Variants in ADSS1 observed in about 807,000 individuals in gnomAD.
ADSS1 encodes adenylosuccinate synthase 1.
ADSS1 carries 57 observed loss-of-function variants against 59.1 expected under a neutral mutation model. The observed-to-expected ratio is 0.97, with a 90% CI of 0.78 to 1.20. The LOEUF is 1.20. ADSS1 is among the 50% of genes most tolerant of loss of function. The probability of loss-of-function intolerance (pLI) is 0.00; values close to 1 mark genes in which losing one functional copy is unlikely to be tolerated. For missense variants in ADSS1, 603 were observed against 610.3 expected, an observed-to-expected ratio of 0.99 and a Z score of 0.13; for synonymous variants, 247 against 249.4, an observed-to-expected ratio of 0.99 and a Z score of 0.09.
At chr14:104,730,105 G>C in intron 1 of ADSS1, 3 of 1,550,350 alleles carry the variant, frequency 1.9e-6, no homozygotes, top group Non-Finnish European at 2.6e-6. Flanking sequence ...CTAGGGTGAC[G>C]CTGGGAGAGG....
intron 2 of ADSS1, among the ~76,000 whole-genome samples, chr14:104,736,199 G>C (rs557991079): frequency 6.6e-6 from 1 of 152,350 alleles, no homozygotes; most frequent in East Asian, 1.9e-4. Context: ...ACAGTGTGGG[G>C]GCGGTCCCTA....
chr14:104,732,576 C>T (rs774910884), intron 1 of ADSS1, among the ~76,000 whole-genome samples: 25 of 152,224 alleles, frequency 1.6e-4, no homozygotes, highest in Admixed American at 3.3e-4. Context: ...CGCGCCTGTT[C>T]CTAGGAGCCT....
chr14:104,724,377 T>A lies in ADSS1; in HGVS notation c.107T>A (p.Val36Glu). The A allele has an allele frequency of 8.0e-7, 1 of 1,254,360 alleles. No individual in the cohort carries two copies. Among genetic ancestry groups the A allele is most frequent in the Non-Finnish European group, 1.0e-6 (1 of 994,218 alleles). 77.7% of individuals were successfully genotyped at this position (1,254,360 alleles called of 1,614,324 possible). Residue 36 changes from valine to glutamate, a missense_variant, in exon 1 of 13, where the codon GTG (valine) becomes GAG (glutamate). Coordinates refer to ENST00000330877, the MANE Select transcript of ADSS1 (RefSeq NM_152328.5). The stretch of plus-strand genomic sequence containing the variant: ...GCGACCGGCTCCCGCGTGACGGTGG[T>A]GCTGGGCGCGCAGTGGGGGGACGAG... ...AAATGSRVTV[V>E]LGAQWGDEGK...
intron 10 of ADSS1, 121 bp from the exon 11 acceptor site, chr14:104,744,691 C>T: frequency 2.3e-6 from 2 of 868,158 alleles, no homozygotes; most frequent in Non-Finnish European, 3.7e-6. Context: ...TACTGGTCCA[C>T]AGCCCAGGGA....
At chr14:104,743,653 G>T (rs1305195376) in intron 10 of ADSS1, 2 of 171,718 alleles carry the variant, frequency 1.2e-5, no homozygotes, top group African/African-American at 4.7e-5. Context: ...TTTGTGTGAG[G>T]GGTGGGCTCA....
chr14:104,729,429 G>C (rs1434384100), intron 1 of ADSS1, among the ~76,000 whole-genome samples: 3 of 152,238 alleles, frequency 2.0e-5, no homozygotes, highest in Middle Eastern at 6.8e-3. Flanking sequence ...TGAGGAGCAA[G>C]GACAAAGCCT....
chr14:104,734,967 C>G, intron 1 of ADSS1, 53 bp from the exon 2 acceptor site: 1 of 1,523,464 alleles, frequency 6.6e-7, no homozygotes, highest in Admixed American at 1.7e-5. Context: ...AGTCCATGTC[C>G]GGGGGGTCCT....
chr14:104,732,551 T>C (rs1221029809), intron 1 of ADSS1, among the ~76,000 whole-genome samples: 17 of 152,186 alleles, frequency 1.1e-4, no homozygotes, highest in Admixed American at 1.1e-3. Flanking sequence ...GGACACCCAC[T>C]GGCCTACGAC....
Position 104,740,834 on chromosome 14 carries a change from T to C in ADSS1, c.585-5T>C, listed in dbSNP as rs200895321. 6.5e-4 allele frequency: 1,057 copies of C among 1,613,884 alleles called. 5 individuals are homozygous for C. Among genetic ancestry groups the C allele is most frequent in the Middle Eastern group, 9.9e-4 (6 of 6,062 alleles). ...AGGGGGTGATGATGACTGTCCCTTG[T>C]GCAGATTCAAGAACCTGGCCCACCA... On this transcript the variant is annotated splice_region_variant and splice_polypyrimidine_tract_variant and intron_variant, in intron 6 of 12. Transcript: ENST00000330877. The surrounding 1 kb of genome is among the most constrained non-coding windows in gnomAD (Gnocchi z 4.8).
chr14:104,736,839 C>T (rs1891141057), intron 2 of ADSS1, among the ~76,000 whole-genome samples: 1 of 146,256 alleles, frequency 6.8e-6, no homozygotes, highest in South Asian at 2.1e-4. Flanking sequence ...CCTCTGTCTC[C>T]CAAGTAGCCA....
At position 104,740,560 on chromosome 14, in the gene ADSS1, G is replaced by T; in HGVS notation, c.477-41G>T. On this transcript the variant is annotated intron_variant, in intron 5 of 12. Coordinates refer to ENST00000330877, the MANE Select transcript of ADSS1 (RefSeq NM_152328.5). The surrounding 1 kb of genome is among the most constrained non-coding windows in gnomAD (Gnocchi z 4.8). ...TCAGTGGGATGCCTGAGCTCCTCAG[G>T]GCTCCTGGGTTCTCATGGGTACCCA... The T allele has an allele frequency of 6.3e-7, 1 of 1,592,204 alleles. No individual in the cohort carries two copies. The highest frequency in any genetic ancestry group is 2.2e-5 in the East Asian group (1 of 44,758).
chr14:104,741,563 G>A (rs887044626), intron 8 of ADSS1, among the ~76,000 whole-genome samples: 1 of 152,126 alleles, frequency 6.6e-6, no homozygotes, highest in South Asian at 2.1e-4. Context: ...TCACCCCCAC[G>A]GGCGCACCAG....
At position 104,741,918 on chromosome 14, in the gene ADSS1, G is replaced by A. The variant is rs769266263; in HGVS notation, c.864G>A (p.Pro288=). Residue 288 remains proline, a synonymous_variant, in exon 9 of 13, where the codon CCG becomes CCA. Coordinates refer to ENST00000330877, the MANE Select transcript of ADSS1 (RefSeq NM_152328.5). ...TGTGCACGGGCCTGGGCATCCCCCCGCAGAACATAGGTGACGTGTATGGCG... is the reference window on the plus strand; with the variant it reads ...TGTGCACGGGCCTGGGCATCCCCCCACAGAACATAGGTGACGTGTATGGCG... ...GGVCTGLGIP[P]QNIGDVYGVV... The A allele has an allele frequency of 5.6e-6, 9 of 1,613,494 alleles. No individual in the cohort carries two copies. The highest frequency in any genetic ancestry group is 5.9e-6 in the Non-Finnish European group (7 of 1,180,008).
At chr14:104,745,019 A>G (rs1349159896) in intron 11 of ADSS1, 110 bp downstream of exon 11, 4 of 914,976 alleles carry the variant, frequency 4.4e-6, no homozygotes, top group African/African-American at 3.3e-5. Flanking sequence ...CACAGGACAC[A>G]GGGCAAGCAG....
chr14:104,725,179 G>T (rs1890684111), intron 1 of ADSS1, among the ~76,000 whole-genome samples: 1 of 152,260 alleles, frequency 6.6e-6, no homozygotes, highest in African/African-American at 2.4e-5. Context: ...CCCAGGGCTG[G>T]GCCTCTGCCA....
chr14:104,729,392 G>A (rs1890814932), intron 1 of ADSS1, among the ~76,000 whole-genome samples: 1 of 152,212 alleles, frequency 6.6e-6, no homozygotes, highest in Non-Finnish European at 1.5e-5. Context: ...CAGGGGCAGG[G>A]CATGCGCCAT....
chr14:104,728,573 C>A (rs932160946), intron 1 of ADSS1, among the ~76,000 whole-genome samples: 15 of 152,186 alleles, frequency 9.9e-5, no homozygotes, highest in Admixed American at 9.8e-4. Flanking sequence ...ACCCACTGCA[C>A]CACACTGGTA....
At chr14:104,743,878 G>A (rs570764166) in intron 10 of ADSS1, among the ~76,000 whole-genome samples, 1 of 152,402 alleles carries the variant, frequency 6.6e-6, no homozygotes, top group South Asian at 2.1e-4. Flanking sequence ...GCGATGCAGG[G>A]TTCACGGCGC....
intron 1 of ADSS1, among the ~76,000 whole-genome samples, chr14:104,731,520 C>T (rs559941171): frequency 3.5e-4 from 53 of 152,322 alleles, no homozygotes; most frequent in African/African-American, 1.3e-3. Context: ...ACTCTGCAGC[C>T]CCTAGAGGAC....
Sources: allele counts gnomAD v4.1 joint callset (sites outside exome capture counted in the v4.1 genomes callset), GRCh38; gene constraint gnomAD v4.1.1; non-coding constraint Gnocchi (gnomAD v3.1); transcripts MANE v1.5; gene names NCBI Gene and HGNC (gene_info 2026-07-23, HGNC 2026-07-21).